CLIC5: variants seen among roughly 807,000 people sequenced by gnomAD.
CLIC5 encodes CLIC family member 5, also known as chloride intracellular channel protein 5.
Under a neutral mutation model 24.7 loss-of-function variants are expected in CLIC5, and 20 were observed. That is an observed-to-expected ratio of 0.81 (90% CI 0.57 to 1.18). CLIC5 has a LOEUF of 1.18. Among genes scored for constraint, CLIC5 ranks in the 50% most tolerant of loss-of-function variants. The probability of loss-of-function intolerance (pLI) is 0.00; values close to 1 mark genes in which losing one functional copy is unlikely to be tolerated. For missense variants in CLIC5, 341 were observed against 326.1 expected, an observed-to-expected ratio of 1.05 and a Z score of -0.35; for synonymous variants, 159 against 135.6, an observed-to-expected ratio of 1.17 and a Z score of -1.20.
intron 1 of CLIC5, among the ~76,000 whole-genome samples, chr6:45,986,283 G>A (rs1765734476): frequency 6.6e-6 from 1 of 152,152 alleles, no homozygotes; most frequent in South Asian, 2.1e-4. Flanking sequence ...GGTGTAACAG[G>A]AATGCAGGGT....
upstream of CLIC5, among the ~76,000 whole-genome samples, chr6:46,020,397 T>C (rs567221980): frequency 6.6e-6 from 1 of 152,206 alleles, no homozygotes; most frequent in East Asian, 1.9e-4. Context: ...ACATACAACA[T>C]ATCAAAATTT....
chr6:45,947,283 G>A (rs1764319992), intron 3 of CLIC5, among the ~76,000 whole-genome samples: 1 of 152,196 alleles, frequency 6.6e-6, no homozygotes, highest in African/African-American at 2.4e-5. Flanking sequence ...TGGGGGTGGT[G>A]TGGTAGTGGT....
At chr6:46,112,857 G>C in the CLIC5 span, among the ~76,000 whole-genome samples, 7 of 152,302 alleles carry the variant, frequency 4.6e-5, no homozygotes, top group Non-Finnish European at 4.4e-5. Context: ...AGGAGTTTGA[G>C]AACAGCCTGG....
chr6:46,086,413 A>T, the CLIC5 span, among the ~76,000 whole-genome samples: 1 of 152,180 alleles, frequency 6.6e-6, no homozygotes, highest in African/African-American at 2.4e-5. Flanking sequence ...GTCTTAAGTG[A>T]TAGATAAGTG....
At chr6:45,954,682 A>G (rs1490405389) in intron 2 of CLIC5, among the ~76,000 whole-genome samples, 1 of 152,234 alleles carries the variant, frequency 6.6e-6, no homozygotes. Flanking sequence ...CCTGTAATCT[A>G]GAACTGTCAC....
At chr6:45,966,213 G>A (rs1332035134) in intron 1 of CLIC5, among the ~76,000 whole-genome samples, 12 of 152,246 alleles carry the variant, frequency 7.9e-5, no homozygotes, top group Non-Finnish European at 1.5e-4. Flanking sequence ...TTATTAATTA[G>A]GGTCATGTAC....
At chr6:45,911,532 T>A (rs1762818458) in intron 5 of CLIC5, 1 of 884,640 alleles carries the variant, frequency 1.1e-6, no homozygotes, top group Non-Finnish European at 1.4e-6. Flanking sequence ...GGCTGGAATT[T>A]ATCAGAGTGG....
At chr6:46,107,897 T>C in the CLIC5 span, among the ~76,000 whole-genome samples, 1 of 151,868 alleles carries the variant, frequency 6.6e-6, no homozygotes, top group South Asian at 2.1e-4. Context: ...TAGCCAAGCG[T>C]GGTGGCGCAT....
At chr6:46,038,951 T>A (rs536883590) in intron 1 of CLIC5, among the ~76,000 whole-genome samples, 2 of 152,324 alleles carry the variant, frequency 1.3e-5, no homozygotes, top group Non-Finnish European at 2.9e-5. Context: ...TGATGTAACA[T>A]CTATGTACTA....
At chr6:46,111,256 T>A in the CLIC5 span, among the ~76,000 whole-genome samples, 1 of 151,254 alleles carries the variant, frequency 6.6e-6, no homozygotes, top group Non-Finnish European at 1.5e-5. Context: ...ATAAACAGCC[T>A]TCATGCCTGA....
chr6:46,034,220 T>C (rs771860290), intron 1 of CLIC5, among the ~76,000 whole-genome samples: 1 of 152,240 alleles, frequency 6.6e-6, no homozygotes, highest in Non-Finnish European at 1.5e-5. Flanking sequence ...CCCATCACCA[T>C]ATATTCTGAT....
the CLIC5 span, among the ~76,000 whole-genome samples, chr6:46,101,979 T>A: frequency 6.7e-6 from 1 of 148,352 alleles, no homozygotes; most frequent in Non-Finnish European, 1.5e-5. Flanking sequence ...AAGAAGTGTG[T>A]GTGTTGGGGG....
chr6:45,880,969 G>A (rs972549640), downstream of CLIC5: 4 of 394,238 alleles, frequency 1.0e-5, no homozygotes, highest in Non-Finnish European at 1.3e-5. Flanking sequence ...TTTACTAGAG[G>A]GAATGGGGGG....
rs1281800172 is a variant in CLIC5 at position 45,981,168 on chromosome 6, C to T, written c.64-25924G>A. On this transcript the variant is annotated intron_variant, in intron 1 of 5. Transcript: ENST00000339561. Reference sequence around the variant, plus strand: ...TATTTCTTGTAGAGATGTGGTTTTTCCATGTTTCCCAGGCTGGTCTTGAAA... The same window carrying T: ...TATTTCTTGTAGAGATGTGGTTTTTTCATGTTTCCCAGGCTGGTCTTGAAA... Among the ~76,000 whole-genome samples, 3 of 151,968 alleles carry T rather than the reference C, an allele frequency of 2.0e-5. No individual in the cohort carries two copies. In the East Asian group the frequency reaches 5.8e-4, roughly 29 times the overall value.
chr6:46,117,506 T>C, the CLIC5 span, among the ~76,000 whole-genome samples: 1 of 152,236 alleles, frequency 6.6e-6, no homozygotes, highest in African/African-American at 2.4e-5. Context: ...TCTTTTAATA[T>C]CTTAAGTGGG....
the CLIC5 span, among the ~76,000 whole-genome samples, chr6:46,105,855 T>C: frequency 6.6e-6 from 1 of 151,858 alleles, no homozygotes; most frequent in East Asian, 1.9e-4. Flanking sequence ...GTTCTGACAG[T>C]GATTGCAATA....
At chr6:45,948,973 G>A (rs190325995) in intron 3 of CLIC5, among the ~76,000 whole-genome samples, 9 of 152,232 alleles carry the variant, frequency 5.9e-5, no homozygotes, top group Admixed American at 5.2e-4. Flanking sequence ...ATACTGGGGC[G>A]AGGGAGGCCT....
chr6:45,904,654 T>A (rs71221676), intron 5 of CLIC5, among the ~76,000 whole-genome samples: 13 of 1,868 alleles, frequency 7.0e-3, no homozygotes, highest in African/African-American at 0.015. Flanking sequence ...GTCCCTTTCC[T>A]TCCCTCCCTA....
chr6:45,954,124 A>C (rs1581786137), intron 2 of CLIC5, among the ~76,000 whole-genome samples: 1 of 151,918 alleles, frequency 6.6e-6, no homozygotes, highest in African/African-American at 2.4e-5. Flanking sequence ...AAATACAAAA[A>C]TTAGCCTGTC....
Sources: allele counts gnomAD v4.1 joint callset (sites outside exome capture counted in the v4.1 genomes callset), GRCh38; gene constraint gnomAD v4.1.1; transcripts MANE v1.5; gene names NCBI Gene and HGNC (gene_info 2026-07-23, HGNC 2026-07-21).